The following MGLL variants were observed in gnomAD, a reference collection of about 807,000 sequenced individuals.
MGLL encodes the protein monoglyceride lipase.
Under a neutral mutation model 29.1 loss-of-function variants are expected in MGLL, and 7 were observed. The ratio of observed to expected loss-of-function variants is 0.24; its 90% CI spans 0.14 to 0.45. MGLL has a LOEUF of 0.45. MGLL is among the 20% of genes least tolerant of loss of function. MGLL has a pLI of 0.99. For missense variants in MGLL, 356 were observed against 413.6 expected (o/e 0.86, Z 1.21); for synonymous variants, 148 against 168.3 (o/e 0.88, Z 0.93).
At chr3:127,811,989 A>G (rs1003210363) in intron 2 of MGLL, among the ~76,000 whole-genome samples, 8 of 152,196 alleles carry the variant, frequency 5.3e-5, no homozygotes, top group African/African-American at 1.7e-4. Context: ...GATTCCTAAC[A>G]TACCCCAGAC....
chr3:127,793,365 T>C (rs1159252845), intron 2 of MGLL, among the ~76,000 whole-genome samples: 1 of 152,102 alleles, frequency 6.6e-6, no homozygotes, highest in Admixed American at 6.5e-5. Context: ...GAAAAATAGG[T>C]TGTGTGTGAA....
intron 2 of MGLL, 117 bp downstream of exon 2, chr3:127,821,577 G>A (rs2077860459): frequency 9.0e-7 from 1 of 1,114,752 alleles, no homozygotes; most frequent in Non-Finnish European, 1.4e-6. Flanking sequence ...TAAAACGGCA[G>A]GGGAAGTAGG....
intron 6 of MGLL, among the ~76,000 whole-genome samples, chr3:127,696,476 C>T (rs1303692104): frequency 7.9e-6 from 1 of 126,406 alleles, no homozygotes; most frequent in South Asian, 2.7e-4. Flanking sequence ...TGCAGTGATA[C>T]GATCTTGGCT....
intron 3 of MGLL, among the ~76,000 whole-genome samples, chr3:127,743,572 TAAAAAAAAAAAAA>T (rs35691902): frequency 1.2e-4 from 5 of 40,698 alleles, no homozygotes; most frequent in Non-Finnish European, 1.6e-4. Flanking sequence ...CCACTAATGC[TAAAAAAAAAAAAA>T]AAAAAAAAAA....
chr3:127,703,632 G>A (rs192793099), intron 6 of MGLL, among the ~76,000 whole-genome samples: 15 of 152,232 alleles, frequency 9.9e-5, no homozygotes, highest in African/African-American at 3.6e-4. Context: ...CATGACATTG[G>A]ATTTGGCAAC....
At chr3:127,713,716 A>C (rs597956) in intron 5 of MGLL, 1 of 152,208 alleles carries the variant, frequency 6.6e-6, no homozygotes, top group Non-Finnish European at 1.5e-5. Flanking sequence ...TGGAGGTGCC[A>C]GTCCATCTTC....
chr3:127,782,472 TAAG>T (rs2077144518), intron 2 of MGLL, among the ~76,000 whole-genome samples: 1 of 152,122 alleles, frequency 6.6e-6, no homozygotes, highest in African/African-American at 2.4e-5. Context: ...TGTAACATGG[TAAG>T]AAGAGCATCG....
intron 3 of MGLL, among the ~76,000 whole-genome samples, chr3:127,754,358 G>T (rs1263074980): frequency 6.7e-6 from 1 of 149,080 alleles, no homozygotes; most frequent in Admixed American, 6.6e-5. Context: ...AAATAAGAAA[G>T]AAAAAAAAAA....
chr3:127,697,249 G>A (rs1438072586), intron 6 of MGLL, among the ~76,000 whole-genome samples: 2 of 152,240 alleles, frequency 1.3e-5, no homozygotes, highest in South Asian at 2.1e-4. Flanking sequence ...TGTAGGGCCC[G>A]CAAAAGAGCC....
chr3:127,774,180 C>A (rs764779818), intron 3 of MGLL, among the ~76,000 whole-genome samples: 2 of 152,242 alleles, frequency 1.3e-5, no homozygotes, highest in Non-Finnish European at 2.9e-5. Flanking sequence ...GGCTTGCTGG[C>A]GACCTGAGAG....
intron 6 of MGLL, among the ~76,000 whole-genome samples, chr3:127,703,334 C>T (rs2075535976): frequency 1.3e-5 from 2 of 152,214 alleles, no homozygotes; most frequent in Admixed American, 6.5e-5. Flanking sequence ...ATTCCCAGGT[C>T]TTGCAGGACC....
At chr3:127,788,118 C>T (rs763121806) in intron 2 of MGLL, among the ~76,000 whole-genome samples, 50 of 152,296 alleles carry the variant, frequency 3.3e-4, no homozygotes, top group South Asian at 2.7e-3. Context: ...AGATCAATAA[C>T]GCCTGCCTCC....
At chr3:127,789,252 T>C (rs983476598) in intron 2 of MGLL, among the ~76,000 whole-genome samples, 1 of 152,162 alleles carries the variant, frequency 6.6e-6, no homozygotes, top group African/African-American at 2.4e-5. Flanking sequence ...GAGGAGCTGC[T>C]GTGGATCATC....
Position 127,730,083 on chromosome 3 carries a change from C to T in MGLL, c.263-7517G>A, listed in dbSNP as rs1434838845. On this transcript the variant is annotated intron_variant, in intron 3 of 7. Coordinates refer to ENST00000265052, the MANE Select transcript of MGLL (RefSeq NM_007283.7). ...TTATTCAGGCTCAAAACAGGGCTGT[C>T]GTCTTTGACTTTAATTCTATTTCTA... Among the ~76,000 whole-genome samples, 7 of 152,338 alleles carry T rather than the reference C, an allele frequency of 4.6e-5. No individual in the cohort carries two copies. The East Asian group carries it at 1.4e-3, about 29-fold the overall frequency.
chr3:127,755,910 C>T (rs1444489054), intron 3 of MGLL, among the ~76,000 whole-genome samples: 2 of 152,120 alleles, frequency 1.3e-5, no homozygotes, highest in Admixed American at 1.3e-4. Context: ...TAACTGAAAC[C>T]TGATTTTATT....
chr3:127,716,901 A>G (rs1406446224), intron 5 of MGLL, among the ~76,000 whole-genome samples: 1 of 152,224 alleles, frequency 6.6e-6, no homozygotes, highest in African/African-American at 2.4e-5. Context: ...ACCTTAAGGC[A>G]GCCATAAAAC....
At chr3:127,815,551 A>C (rs906542976) in intron 2 of MGLL, among the ~76,000 whole-genome samples, 9 of 152,080 alleles carry the variant, frequency 5.9e-5, no homozygotes, top group African/African-American at 2.2e-4. Context: ...GAACCTCTCC[A>C]TCTAGCTGGT....
At chr3:127,715,072 A>G (rs16825017) in intron 5 of MGLL, among the ~76,000 whole-genome samples, 26,949 of 152,136 alleles carry the variant, frequency 0.18, 3,365 homozygotes, top group African/African-American at 0.36. Context: ...TGCGTGGTGA[A>G]GTCTCAGGGG....
intron 3 of MGLL, among the ~76,000 whole-genome samples, chr3:127,777,008 G>T (rs1246950874): frequency 6.7e-6 from 1 of 150,308 alleles, no homozygotes; most frequent in Non-Finnish European, 1.5e-5. Context: ...GATAATACAT[G>T]CTATAAAAAG....
Sources: gnomAD v4.1 joint callset for allele counts (sites outside exome capture counted in the v4.1 genomes callset) on GRCh38, gnomAD v4.1.1 for gene constraint, MANE v1.5 for transcripts, NCBI Gene and HGNC (gene_info 2026-07-23, HGNC 2026-07-21) for gene names.